SRGAP2: variants seen among roughly 807,000 people sequenced by gnomAD.
SRGAP2 encodes SLIT-ROBO Rho GTPase-activating protein 2.
SRGAP2 carries 15 observed loss-of-function variants against 57.2 expected under a neutral mutation model. That is an observed-to-expected ratio of 0.26 (90% CI 0.18 to 0.40). SRGAP2 has a LOEUF of 0.40. Among genes scored for constraint, SRGAP2 ranks in the 10% least tolerant of loss-of-function variants. The pLI is 1.00. For missense variants in SRGAP2, 520 were observed against 669.6 expected (o/e 0.78, Z 2.47); for synonymous variants, 249 against 248.0 (o/e 1.00, Z -0.04).
rs1553376789 is a variant in SRGAP2, at chr1:206,453,258, G to A, written c.2238G>A (p.Glu746=). Reference sequence around the variant, plus strand: ...ACTACGTGGGCCGGACAGCCCGAGAGCTATCCTTTAAGAAGGGAGCATCCC... The same window carrying A: ...ACTACGTGGGCCGGACAGCCCGAGAACTATCCTTTAAGAAGGGAGCATCCC... The part of the protein sequence containing the change: ...KFDYVGRTAR[E]LSFKKGASLL... Residue 746 remains glutamate, a synonymous_variant, in exon 20 of 23, where the codon GAG becomes GAA. Coordinates refer to ENST00000573034, the MANE Select transcript of SRGAP2 (RefSeq NM_015326.5). 2.7e-6 allele frequency: 2 copies of A among 742,816 alleles called. No homozygotes were observed. Among genetic ancestry groups the A allele is most frequent in the Admixed American group, 1.8e-5 (1 of 55,238 alleles). 46.0% of individuals were successfully genotyped at this position (742,816 alleles called of 1,614,324 possible). A position where few individuals can be genotyped will look rare whatever the true frequency, so the allele number is the denominator to read the frequency against.
rs1383754778 is a variant in SRGAP2 at position 206,463,594 on chromosome 1, C to T, written c.*2174C>T. 1 of 152,672 alleles carries T rather than the reference C, an allele frequency of 6.5e-6. No homozygotes were observed. Among genetic ancestry groups the T allele is most frequent in the African/African-American group, 2.4e-5 (1 of 41,448 alleles). The allele number at this position is 152,672 out of a possible 1,614,324, so 9.5% of individuals were successfully genotyped here. A position where few individuals can be genotyped will look rare whatever the true frequency, so the allele number is the denominator to read the frequency against. ...TGTTGCTCCTGCCTTATTTCTCTTT[C>T]AACCCTGTACATGACTCGTGTTCAC... On this transcript the variant is annotated 3_prime_UTR_variant, in exon 23 of 23. Coordinates refer to ENST00000573034, the MANE Select transcript of SRGAP2 (RefSeq NM_015326.5).
At chr1:206,418,706 G>C (rs1659979783) in intron 11 of SRGAP2, among the ~76,000 whole-genome samples, 1 of 151,942 alleles carries the variant, frequency 6.6e-6, no homozygotes, top group Non-Finnish European at 1.5e-5. Flanking sequence ...AACTCCTAAG[G>C]CCCACTGTTA....
Position 206,454,557 on chromosome 1 carries a change from C to T in SRGAP2, c.2361-321C>T, listed in dbSNP as rs782727917. The T allele has an allele frequency of 1.7e-5, 7 of 402,982 alleles. No individual in the cohort carries two copies. Among genetic ancestry groups the T allele is most frequent in the Admixed American group, 4.2e-5 (1 of 24,002 alleles). The allele number at this position is 402,982 out of a possible 1,614,324, so 25.0% of individuals were successfully genotyped here. ...CTTGCCGCCTCCTTCTCCAGGAGGC[C>T]GCCCCAGCACGGCCTCCCCAGGAAG... is the stretch of plus-strand genomic sequence containing the variant. On this transcript the variant is annotated intron_variant, in intron 20 of 22. Transcript: ENST00000573034. The surrounding 1 kb of genome is among the most constrained non-coding windows in gnomAD (Gnocchi z 4.3).
At chr1:206,296,150 C>T (rs1671579085) in intron 2 of SRGAP2, among the ~76,000 whole-genome samples, 1 of 150,950 alleles carries the variant, frequency 6.6e-6, no homozygotes, top group South Asian at 2.1e-4. Context: ...TTCCTTCTCC[C>T]CATCTCTCAG....
chr1:206,364,236 T>TG lies in SRGAP2; in HGVS notation c.424-19772dup, dbSNP rs1382579757. On this transcript the variant is annotated intron_variant, in intron 4 of 22. Transcript: ENST00000573034. ...TTTAAATGCTGGAAAAATTCTGAAATGGGGGGAAATATCACATTTTTTATA... is the reference window on the plus strand; with the variant it reads ...TTTAAATGCTGGAAAAATTCTGAAATGGGGGGGAAATATCACATTTTTTATA... 7.5e-4 allele frequency among the ~76,000 whole-genome samples: 111 copies of TG among 148,862 alleles called. 2 individuals carry two copies. Among genetic ancestry groups the TG allele is most frequent in the Admixed American group, 6.2e-3 (93 of 14,914 alleles).
chr1:206,419,342 A>T, intron 11 of SRGAP2, 31 bp from the exon 12 acceptor site: 1 of 780,684 alleles, frequency 1.3e-6, no homozygotes, highest in African/African-American at 1.7e-5. Flanking sequence ...CTCCTTTAAC[A>T]TAATGCTTTT....
At chr1:206,424,637 AAGAG>A (rs1361253542) in intron 13 of SRGAP2, among the ~76,000 whole-genome samples, 4 of 152,226 alleles carry the variant, frequency 2.6e-5, no homozygotes, top group African/African-American at 4.8e-5. Context: ...CCTGGGTGAC[AAGAG>A]AGAGACTCTG....
chr1:206,361,440 A>G (rs1261308591), intron 4 of SRGAP2, among the ~76,000 whole-genome samples: 1 of 152,178 alleles, frequency 6.6e-6, no homozygotes, highest in Non-Finnish European at 1.5e-5. Flanking sequence ...AACAAGAAGC[A>G]TACTTCTTGC....
intron 3 of SRGAP2, chr1:206,333,484 C>T: frequency 2.7e-6 from 4 of 1,498,790 alleles, no homozygotes; most frequent in Admixed American, 1.7e-5. Flanking sequence ...GCGAAGGTCT[C>T]TGGTGCGGGC....
intron 4 of SRGAP2, among the ~76,000 whole-genome samples, chr1:206,369,251 C>T (rs1654307521): frequency 6.6e-6 from 1 of 152,066 alleles, no homozygotes; most frequent in South Asian, 2.1e-4. Flanking sequence ...AAAAAATTAA[C>T]TCAAAATGGA....
chr1:206,244,273 CTTT>C (rs1159749633), intron 2 of SRGAP2, among the ~76,000 whole-genome samples: 1 of 77,588 alleles, frequency 1.3e-5, no homozygotes, highest in Non-Finnish European at 2.6e-5. Flanking sequence ...TGTTTTAAAT[CTTT>C]TTTTTTTTTT....
chr1:206,420,540 C>T (rs1228603558), intron 12 of SRGAP2, among the ~76,000 whole-genome samples: 1 of 152,154 alleles, frequency 6.6e-6, no homozygotes, highest in Admixed American at 6.5e-5. Flanking sequence ...CCACTAGATT[C>T]AAGGTGTCGT....
chr1:206,226,681 A>G (rs1261686785), intron 2 of SRGAP2, among the ~76,000 whole-genome samples: 1 of 151,990 alleles, frequency 6.6e-6, no homozygotes, highest in Non-Finnish European at 1.5e-5. Flanking sequence ...TATTTGCTGC[A>G]ACAGAAGAAA....
At chr1:206,419,126 G>A (rs1660064282) in intron 11 of SRGAP2, among the ~76,000 whole-genome samples, 1 of 152,084 alleles carries the variant, frequency 6.6e-6, no homozygotes, top group African/African-American at 2.4e-5. Context: ...AAGGTTTAGG[G>A]GGACTGACCT....
intron 10 of SRGAP2, among the ~76,000 whole-genome samples, chr1:206,410,595 T>A (rs1055757623): frequency 6.6e-6 from 1 of 152,178 alleles, no homozygotes; most frequent in Admixed American, 6.5e-5. Flanking sequence ...ATATGATAAA[T>A]TACATTAGAA....
intron 10 of SRGAP2, among the ~76,000 whole-genome samples, chr1:206,414,029 C>CTTTTT (rs201058533): frequency 4.1e-5 from 6 of 145,158 alleles, no homozygotes; most frequent in African/African-American, 7.9e-5. Context: ...TTTTCTTTTT[C>CTTTTT]TTTCTTTTTT....
At chr1:206,281,483 A>T (rs1471611185) in intron 2 of SRGAP2, among the ~76,000 whole-genome samples, 2 of 89,164 alleles carry the variant, frequency 2.2e-5, no homozygotes, top group Non-Finnish European at 4.0e-5. Flanking sequence ...CTGTAAAATA[A>T]TTTAAAACCA....
chr1:206,210,213 C>T (rs1666226800), intron 2 of SRGAP2, among the ~76,000 whole-genome samples: 1 of 146,600 alleles, frequency 6.8e-6, no homozygotes, highest in South Asian at 2.2e-4. Flanking sequence ...TGTATACAGT[C>T]CCAGCTATTG....
chr1:206,399,540 G>A lies in SRGAP2; in HGVS notation c.832-1881G>A, dbSNP rs553915531. 9.2e-5 allele frequency among the ~76,000 whole-genome samples: 14 copies of A among 152,234 alleles called. No individual in the cohort carries two copies. In the East Asian group the frequency reaches 1.7e-3, roughly 19 times the overall value. On this transcript the variant is annotated intron_variant, in intron 7 of 22. Coordinates refer to ENST00000573034, the MANE Select transcript of SRGAP2 (RefSeq NM_015326.5). ...CACAGTTTAGGACAGTGAAGCAGACGGTGAGGGTATGAATAGGGGTAGAGG... is the reference window on the plus strand; with the variant it reads ...CACAGTTTAGGACAGTGAAGCAGACAGTGAGGGTATGAATAGGGGTAGAGG...
Sources: gnomAD v4.1 joint callset for allele counts (sites outside exome capture counted in the v4.1 genomes callset) on GRCh38, gnomAD v4.1.1 for gene constraint, Gnocchi (gnomAD v3.1) non-coding constraint, MANE v1.5 for transcripts, NCBI Gene and HGNC (gene_info 2026-07-23, HGNC 2026-07-21) for gene names.